RANBP2: variants seen among roughly 807,000 people sequenced by gnomAD.
RANBP2 encodes RAN binding protein 2.
RANBP2 carries 57 observed loss-of-function variants against 303.6 expected under a neutral mutation model. That is an observed-to-expected ratio of 0.19 (90% CI 0.15 to 0.23). The LOEUF (loss-of-function observed/expected upper bound fraction) is 0.23, where lower values mean the gene tolerates loss of function less well. Among genes scored for constraint, RANBP2 ranks in the 10% least tolerant of loss-of-function variants. The pLI is 1.00. For missense variants in RANBP2, 3,138 were observed against 3,780.8 expected (o/e 0.83, Z 4.46); for synonymous variants, 1,167 against 1,301.5 (o/e 0.90, Z 2.23).
At chr2:108,786,971 C>A, downstream of RANBP2, 3 of 1,230,308 alleles carry the variant, frequency 2.4e-6, no homozygotes, top group Non-Finnish European at 3.2e-6. Context: ...GGGCGGCCCG[C>A]TCCGTGCCCC....
chr2:109,230,861 C>G, the RANBP2 span, among the ~76,000 whole-genome samples: 7 of 152,304 alleles, frequency 4.6e-5, no homozygotes, highest in African/African-American at 1.7e-4. Context: ...TAGGAGTTCA[C>G]TGGCCAATAG....
the RANBP2 span, among the ~76,000 whole-genome samples, chr2:109,373,132 A>C: frequency 6.6e-6 from 1 of 151,476 alleles, no homozygotes; most frequent in Non-Finnish European, 1.5e-5. Flanking sequence ...ACACACACAC[A>C]CTCTCCTGTA....
chr2:109,276,280 C>T, the RANBP2 span, among the ~76,000 whole-genome samples: 1 of 152,220 alleles, frequency 6.6e-6, no homozygotes, highest in Non-Finnish European at 1.5e-5. Context: ...AAGTTATTTG[C>T]TCTAGAAAAG....
chr2:109,615,996 G>T, the RANBP2 span: 2 of 1,543,706 alleles, frequency 1.3e-6, no homozygotes, highest in African/African-American at 2.8e-5. Flanking sequence ...GGAGGAGGGA[G>T]TGGGGGAGGA....
the RANBP2 span, among the ~76,000 whole-genome samples, chr2:109,408,737 G>A: frequency 2.0e-5 from 3 of 152,246 alleles, no homozygotes; most frequent in Admixed American, 1.3e-4. Context: ...TGCAGCCACC[G>A]CCTGTAAAGG....
At chr2:109,479,600 G>T in the RANBP2 span, among the ~76,000 whole-genome samples, 1 of 152,176 alleles carries the variant, frequency 6.6e-6, no homozygotes, top group African/African-American at 2.4e-5. Context: ...AGGTGTGCCC[G>T]TACAGGACTG....
chr2:109,033,905 G>A, the RANBP2 span, among the ~76,000 whole-genome samples: 3 of 148,632 alleles, frequency 2.0e-5, no homozygotes, highest in African/African-American at 5.0e-5. Context: ...GCAGTGAGCC[G>A]AGATTGCACC....
At chr2:109,520,615 AAAAAAAAAAG>A in the RANBP2 span, among the ~76,000 whole-genome samples, 4 of 93,532 alleles carry the variant, frequency 4.3e-5, no homozygotes, top group Admixed American at 1.0e-4. Flanking sequence ...AAAAAAAAAA[AAAAAAAAAAG>A]AAAAAAAAGA....
At chr2:109,189,667 A>G in the RANBP2 span, among the ~76,000 whole-genome samples, 16 of 152,050 alleles carry the variant, frequency 1.1e-4, no homozygotes, top group Admixed American at 3.9e-4. Flanking sequence ...TTTACCCCCT[A>G]TCAATTTAAT....
At chr2:109,361,952 T>G in the RANBP2 span, among the ~76,000 whole-genome samples, 1 of 152,166 alleles carries the variant, frequency 6.6e-6, no homozygotes, top group Non-Finnish European at 1.5e-5. Context: ...TAGTACTTTG[T>G]GTCCTCTGTT....
At chr2:109,640,749 G>C in the RANBP2 span, among the ~76,000 whole-genome samples, 1 of 152,124 alleles carries the variant, frequency 6.6e-6, no homozygotes, top group Admixed American at 6.6e-5. Context: ...TCTTCCTTCT[G>C]TCTGACCGCT....
At chr2:109,748,817 G>A in the RANBP2 span, among the ~76,000 whole-genome samples, 2 of 148,586 alleles carry the variant, frequency 1.3e-5, no homozygotes, top group African/African-American at 2.5e-5. Flanking sequence ...AGGTTGCAGT[G>A]AGCCAAGATT....
the RANBP2 span, among the ~76,000 whole-genome samples, chr2:108,982,394 ACTGATGCCGTGGGAGGCATGCAGCCAGTC>A: frequency 6.6e-6 from 1 of 152,226 alleles, no homozygotes; most frequent in African/African-American, 2.4e-5. Flanking sequence ...TCCTGCTTTA[ACTGATGCCGTGGGAGGCATGCAGCCAGTC>A]CTTTAAGAAC....
the RANBP2 span, among the ~76,000 whole-genome samples, chr2:109,271,379 C>G: frequency 2.6e-5 from 4 of 152,310 alleles, no homozygotes; most frequent in Admixed American, 6.5e-5. Context: ...AATCTCAACC[C>G]AAAAGCTCAA....
the RANBP2 span, among the ~76,000 whole-genome samples, chr2:109,367,119 A>AGTTT: frequency 8.8e-6 from 1 of 113,292 alleles, no homozygotes; most frequent in Non-Finnish European, 1.8e-5. Context: ...TGCCCTGGTA[A>AGTTT]TTTTTTTTTT....
chr2:109,532,457 G>A, the RANBP2 span, among the ~76,000 whole-genome samples: 3 of 152,244 alleles, frequency 2.0e-5, no homozygotes, highest in East Asian at 1.9e-4. Context: ...TGAAATGGCA[G>A]TGGGGGCCTA....
At chr2:109,108,765 C>T in the RANBP2 span, among the ~76,000 whole-genome samples, 1 of 152,182 alleles carries the variant, frequency 6.6e-6, no homozygotes, top group Admixed American at 6.5e-5. Flanking sequence ...CTGCACCCAC[C>T]GGTCCCCCAA....
At chr2:108,951,430 T>C in the RANBP2 span, among the ~76,000 whole-genome samples, 1 of 152,206 alleles carries the variant, frequency 6.6e-6, no homozygotes, top group Non-Finnish European at 1.5e-5. Context: ...GGATGTCTTA[T>C]GTGATTATTG....
At chr2:109,421,529 C>A in the RANBP2 span, among the ~76,000 whole-genome samples, 2 of 152,224 alleles carry the variant, frequency 1.3e-5, no homozygotes, top group Non-Finnish European at 2.9e-5. Context: ...CATGGACAAA[C>A]CTCCATGTCC....
Sources: gnomAD v4.1 joint callset for allele counts (sites outside exome capture counted in the v4.1 genomes callset) on GRCh38, gnomAD v4.1.1 for gene constraint, MANE v1.5 for transcripts, NCBI Gene and HGNC (gene_info 2026-07-23, HGNC 2026-07-21) for gene names.